Variants in SYT11 observed in about 807,000 individuals in gnomAD.
SYT11 encodes synaptotagmin 11.
Under a neutral mutation model 30.4 loss-of-function variants are expected in SYT11, and 12 were observed. The observed-to-expected ratio is 0.39, with a 90% confidence interval of 0.25 to 0.64. The LOEUF (loss-of-function observed/expected upper bound fraction) is 0.64. SYT11 is among the 30% of genes least tolerant of loss of function. SYT11 has a pLI of 0.45. For missense variants in SYT11, 412 were observed against 552.0 expected (o/e 0.75, Z 2.54); for synonymous variants, 204 against 216.0 (o/e 0.94, Z 0.49).
Position 155,859,766 on chromosome 1 carries a change from C to T in SYT11, c.5C>T (p.Ala2Val). The T allele has an allele frequency of 6.2e-7, 1 of 1,614,172 alleles. No individual in the cohort carries two copies. The highest frequency in any genetic ancestry group is 8.5e-7 in the Non-Finnish European group (1 of 1,179,982). Reference sequence around the variant, plus strand: ...GCAACAGCCTCTGATTACGACATGGCTGAGATCACCAATATCCGACCTAGC... The same window carrying T: ...GCAACAGCCTCTGATTACGACATGGTTGAGATCACCAATATCCGACCTAGC... MAEITNIRPSFD... is the reference protein window; with the variant it reads MVEITNIRPSFD... Residue 2 changes from alanine (A) to valine (V), a missense_variant, in exon 1 of 4, where the codon GCT becomes GTT. Physicochemically the swap from Ala to Val is moderately conservative, Grantham distance 64. Coordinates refer to ENST00000368324, the MANE Select transcript of SYT11 (RefSeq NM_152280.5).
chr1:155,871,390 C>T (rs1182550460), intron 2 of SYT11, among the ~76,000 whole-genome samples: 2 of 152,190 alleles, frequency 1.3e-5, no homozygotes, highest in Admixed American at 6.5e-5. Flanking sequence ...CTTTCCAATA[C>T]ACCCTTCCCT....
chr1:155,870,592 T>A (rs1257116417), intron 2 of SYT11, among the ~76,000 whole-genome samples: 1 of 152,220 alleles, frequency 6.6e-6, no homozygotes, highest in Non-Finnish European at 1.5e-5. Context: ...GATACCTTTT[T>A]TACCTGCAAG....
chr1:155,862,452 T>C (rs1672608292), intron 1 of SYT11, among the ~76,000 whole-genome samples: 1 of 152,090 alleles, frequency 6.6e-6, no homozygotes, highest in South Asian at 2.1e-4. Flanking sequence ...ACAGCAAAAA[T>C]AGGAAACAAG....
chr1:155,877,398 C>A (rs1672882315), intron 2 of SYT11, among the ~76,000 whole-genome samples: 1 of 151,980 alleles, frequency 6.6e-6, no homozygotes, highest in Admixed American at 6.6e-5. Context: ...GCCACTGCGC[C>A]CAGCCACAGC....
intron 2 of SYT11, among the ~76,000 whole-genome samples, chr1:155,871,638 T>G (rs1672781995): frequency 6.6e-6 from 1 of 152,218 alleles, no homozygotes. Flanking sequence ...GAGCCACATT[T>G]CTTTCCACTT....
In SYT11 at chr1:155,880,485, AT is replaced by A; in HGVS notation, c.862-9del. 1 of 1,613,032 alleles carries A rather than the reference AT, an allele frequency of 6.2e-7. No homozygotes were observed. The highest frequency in any genetic ancestry group is 1.7e-5 in the Admixed American group (1 of 59,942). On this transcript the variant is annotated splice_polypyrimidine_tract_variant and intron_variant, in intron 2 of 3. Coordinates refer to ENST00000368324, the MANE Select transcript of SYT11 (RefSeq NM_152280.5). The stretch of plus-strand genomic sequence containing the variant: ...CCCTCTGCCAGGATTCTCACCTGCC[AT>A]TTTTTCCTCACAGAAGTGCATCAGC...
rs762617645 is a variant in SYT11, at chr1:155,880,611, G to A, written c.973G>A (p.Gly325Ser). The change falls in exon 3 of 4, where the codon GGT (glycine) becomes AGT (serine). Residue 325 changes from glycine to serine, a missense_variant. Gly to Ser is a moderately conservative substitution (Grantham distance 56). Coordinates refer to ENST00000368324, the MANE Select transcript of SYT11 (RefSeq NM_152280.5). ...ACACTTGCCGAAGATGGATATCACC[G>A]GTCTCTCAGGTAGCAGCTATTTACT... The part of the protein sequence containing the change: ...ARHLPKMDIT[G>S]LSGNPYVKVN... 6.8e-6 allele frequency: 11 copies of A among 1,613,760 alleles called. No individual in the cohort carries two copies. Among genetic ancestry groups the A allele is most frequent in the South Asian group, 3.3e-5 (3 of 91,068 alleles).
intron 2 of SYT11, among the ~76,000 whole-genome samples, chr1:155,873,181 C>T (rs1024189286): frequency 6.6e-6 from 1 of 152,210 alleles, no homozygotes; most frequent in Non-Finnish European, 1.5e-5. Flanking sequence ...TAATCCCAGC[C>T]CTTTGGGAGG....
chr1:155,881,533 C>G lies in SYT11; in HGVS notation c.*25C>G. 6.4e-7 allele frequency: 1 copy of G among 1,560,048 alleles called. No individual in the cohort carries two copies. The highest frequency in any genetic ancestry group is 8.7e-7 in the Non-Finnish European group (1 of 1,147,826). ...ATCCTGTTCTTCTCTCCTCTAATCC[C>G]CGGGGGCCAAGCTGGGGAGGGATGT... On this transcript the variant is annotated 3_prime_UTR_variant, in exon 4 of 4. Coordinates refer to ENST00000368324, the MANE Select transcript of SYT11 (RefSeq NM_152280.5).
Position 155,867,951 on chromosome 1 carries a change from A to G in SYT11, c.35-14A>G, listed in dbSNP as rs991916473. Reference sequence around the variant, plus strand: ...GTCCACCCGCCCTGACACATCTCTGATCTCCGCCTTCAGATGTGTCACCGG... The same window carrying G: ...GTCCACCCGCCCTGACACATCTCTGGTCTCCGCCTTCAGATGTGTCACCGG... On this transcript the variant is annotated splice_polypyrimidine_tract_variant and intron_variant, in intron 1 of 3. Coordinates refer to ENST00000368324, the MANE Select transcript of SYT11 (RefSeq NM_152280.5). 5 of 1,592,450 alleles carry G rather than the reference A, an allele frequency of 3.1e-6. No individual in the cohort carries two copies. Among genetic ancestry groups the G allele is most frequent in the African/African-American group, 1.3e-5 (1 of 74,206 alleles).
At chr1:155,867,436 CACCCATCCATTTTTACT>C (rs1442797615) in intron 1 of SYT11, among the ~76,000 whole-genome samples, 4 of 152,144 alleles carry the variant, frequency 2.6e-5, no homozygotes, top group Non-Finnish European at 5.9e-5. Flanking sequence ...TTCCTTTTGG[CACCCATCCATTTTTACT>C]ACCCTGAACA....
In SYT11 at chr1:155,870,091, T is replaced by C. The variant is rs572497077; in HGVS notation, c.861+1300T>C. Among the ~76,000 whole-genome samples, 7 of 152,324 alleles carry C rather than the reference T, an allele frequency of 4.6e-5. No individual in the cohort carries two copies. In the South Asian group the frequency reaches 1.4e-3, roughly 32 times the overall value. On this transcript the variant is annotated intron_variant, in intron 2 of 3. Transcript: ENST00000368324. ...CACTTTATTGAAGGAGAAAGACAAA[T>C]ATTTTTTGTAATTACTGTATAGTGA...
In SYT11 at chr1:155,882,770, T is replaced by C. The variant is rs1022439204; in HGVS notation, c.*1262T>C. 3.3e-5 allele frequency: 5 copies of C among 152,352 alleles called. No individual in the cohort carries two copies. The East Asian group carries it at 9.4e-4, about 29-fold the overall frequency. The allele number at this position is 152,352 out of a possible 1,614,324, so 9.4% of individuals were successfully genotyped here. A position where few individuals can be genotyped will look rare whatever the true frequency, so the allele number is the denominator to read the frequency against. The stretch of plus-strand genomic sequence containing the variant: ...TATCTACTGTAGTGACAGCCATTTC[T>C]TGGTTGATGGGTTGGAAGTCATCAG... On this transcript the variant is annotated 3_prime_UTR_variant, in exon 4 of 4. Coordinates refer to ENST00000368324, the MANE Select transcript of SYT11 (RefSeq NM_152280.5).
intron 1 of SYT11, among the ~76,000 whole-genome samples, chr1:155,861,266 A>C (rs906460485): frequency 1.3e-5 from 2 of 152,178 alleles, no homozygotes; most frequent in Non-Finnish European, 2.9e-5. Context: ...TTTGAGTTCT[A>C]AGTTTCCAAA....
chr1:155,871,937 C>G (rs1350071301), intron 2 of SYT11, among the ~76,000 whole-genome samples: 2 of 152,176 alleles, frequency 1.3e-5, no homozygotes, highest in Non-Finnish European at 2.9e-5. Context: ...AGGATCTCTC[C>G]TTGGTGAACG....
chr1:155,862,038 G>C lies in SYT11; in HGVS notation c.34+2243G>C, dbSNP rs912683003. On this transcript the variant is annotated intron_variant, in intron 1 of 3. Coordinates refer to ENST00000368324, the MANE Select transcript of SYT11 (RefSeq NM_152280.5). Reference sequence around the variant, plus strand: ...AGGAAAGGGGGTGTCAATAAAAGCAGTTCTGGTCAGAAGCTGAAGGAGCTG... The same window carrying C: ...AGGAAAGGGGGTGTCAATAAAAGCACTTCTGGTCAGAAGCTGAAGGAGCTG... Among the ~76,000 whole-genome samples, 4 of 152,290 alleles carry C rather than the reference G, an allele frequency of 2.6e-5. No homozygotes were observed. In the East Asian group the frequency reaches 7.7e-4, roughly 29 times the overall value.
At chr1:155,880,732 A>G (rs1672946619) in intron 3 of SYT11, 109 bp downstream of exon 3, 1 of 1,290,164 alleles carries the variant, frequency 7.8e-7, no homozygotes, top group Non-Finnish European at 1.1e-6. Context: ...TTCACTTTTA[A>G]TCTGCTCCTC....
At chr1:155,874,845 G>A (rs1449047311) in intron 2 of SYT11, among the ~76,000 whole-genome samples, 5 of 143,092 alleles carry the variant, frequency 3.5e-5, no homozygotes, top group Non-Finnish European at 6.1e-5. Context: ...AGCCGAGATC[G>A]CGCCACTGCA....
Position 155,881,516 on chromosome 1 carries a change from C to T in SYT11, c.*8C>T. The T allele has an allele frequency of 3.2e-6, 5 of 1,581,976 alleles. No homozygotes were observed. The highest frequency in any genetic ancestry group is 4.3e-6 in the Non-Finnish European group (5 of 1,158,962). ...AGTCTGAGCGAGTACTAATCCTGTT[C>T]TTCTCTCCTCTAATCCCCGGGGGCC... On this transcript the variant is annotated 3_prime_UTR_variant, in exon 4 of 4. Transcript: ENST00000368324.
Sources: gnomAD v4.1 joint callset for allele counts (sites outside exome capture counted in the v4.1 genomes callset) on GRCh38, gnomAD v4.1.1 for gene constraint, MANE v1.5 for transcripts, NCBI Gene and HGNC (gene_info 2026-07-23, HGNC 2026-07-21) for gene names.